Variants in INPP5F observed in about 807,000 individuals in gnomAD.
INPP5F encodes the protein inositol polyphosphate-5-phosphatase F.
INPP5F carries 97 observed loss-of-function variants against 137.2 expected under a neutral mutation model. The ratio of observed to expected loss-of-function variants is 0.71; its 90% CI spans 0.60 to 0.84. The LOEUF is 0.84. Ranked by LOEUF, INPP5F falls within the 40% of genes least tolerant of loss-of-function variation. The pLI is 0.00. For synonymous variants in INPP5F, 504 were observed against 476.9 expected, an observed-to-expected ratio of 1.06 and a Z score of -0.74; for missense variants, 1,271 against 1,371.9, an observed-to-expected ratio of 0.93 and a Z score of 1.16.
chr10:119,820,707 T>C (rs889630368), intron 15 of INPP5F, 139 bp from the exon 16 acceptor site: 1 of 654,786 alleles, frequency 1.5e-6, no homozygotes, highest in Non-Finnish European at 2.8e-6. Flanking sequence ...CTAACTGCAG[T>C]AGAACTCATT....
At chr10:119,775,624 T>C (rs1162957639) in intron 2 of INPP5F, among the ~76,000 whole-genome samples, 1 of 151,930 alleles carries the variant, frequency 6.6e-6, no homozygotes, top group East Asian at 1.9e-4. Flanking sequence ...TTCTTTACTT[T>C]CTAGATTTGG....
chr10:119,738,092 A>G (rs994497561), intron 1 of INPP5F, among the ~76,000 whole-genome samples: 5 of 152,200 alleles, frequency 3.3e-5, no homozygotes, highest in African/African-American at 9.6e-5. Flanking sequence ...GCATATGAAA[A>G]TAGAAGCCAT....
intron 2 of INPP5F, among the ~76,000 whole-genome samples, chr10:119,763,640 C>A (rs1849070087): frequency 6.6e-6 from 1 of 152,212 alleles, no homozygotes; most frequent in African/African-American, 2.4e-5. Flanking sequence ...CTCTCCTTAT[C>A]AGAGGGACTT....
chr10:119,741,724 A>G (rs974335747), intron 1 of INPP5F, among the ~76,000 whole-genome samples: 9 of 151,684 alleles, frequency 5.9e-5, no homozygotes, highest in African/African-American at 1.9e-4. Context: ...TAGTAGAGAC[A>G]GGGTTTCACC....
chr10:119,821,482 C>A (rs985140029), intron 16 of INPP5F, among the ~76,000 whole-genome samples: 4 of 152,158 alleles, frequency 2.6e-5, no homozygotes, highest in African/African-American at 9.7e-5. Context: ...ATACAAGCAC[C>A]TGTTTCCTCA....
intron 2 of INPP5F, among the ~76,000 whole-genome samples, chr10:119,752,567 A>G (rs1348864170): frequency 6.7e-6 from 1 of 148,886 alleles, no homozygotes; most frequent in Admixed American, 6.7e-5. Flanking sequence ...CCTGGGCAAC[A>G]GGAGTAAAAC....
rs534994048 is a variant in INPP5F at position 119,807,858 on chromosome 10, TTTTCTGCAGTACACATTTTTTGC to T, written c.1441-72_1441-50del. ...TAAATTGTATATGAATATGTTTCCT[TTTTCTGCAGTACACATTTTTTGC>T]TATGGTTTCCTGGCCCATATACAGT... On this transcript the variant is annotated intron_variant, in intron 12 of 19. Transcript: ENST00000650623. 1,353 of 1,405,862 alleles carry T rather than the reference TTTTCTGCAGTACACATTTTTTGC, an allele frequency of 9.6e-4. 6 individuals are homozygous for T. The Middle Eastern group carries it at 0.013, about 14-fold the overall frequency. The allele number at this position is 1,405,862 out of a possible 1,614,324, so 87.1% of individuals were successfully genotyped here.
chr10:119,742,505 C>T (rs752205101), intron 1 of INPP5F, among the ~76,000 whole-genome samples: 26 of 151,928 alleles, frequency 1.7e-4, no homozygotes, highest in Non-Finnish European at 3.1e-4. Flanking sequence ...TGGCCCTGGG[C>T]AAGGATAGTA....
At chr10:119,740,281 C>T (rs1848336240) in intron 1 of INPP5F, among the ~76,000 whole-genome samples, 1 of 152,122 alleles carries the variant, frequency 6.6e-6, no homozygotes, top group Non-Finnish European at 1.5e-5. Context: ...GGGGGCAGGG[C>T]AGGAAGTTGG....
At chr10:119,782,199 A>T (rs901130117) in intron 3 of INPP5F, among the ~76,000 whole-genome samples, 3 of 152,202 alleles carry the variant, frequency 2.0e-5, no homozygotes, top group Non-Finnish European at 4.4e-5. Flanking sequence ...CTCTATTAAA[A>T]TTTACAAAGA....
At position 119,751,109 on chromosome 10, in the gene INPP5F, G is replaced by T; in HGVS notation, c.131G>T (p.Cys44Phe). Reference sequence around the variant, plus strand: ...CTACTTCTTGCCTGGAATCCCATTTGTTTGGGGTTGGTAGAAGGTGTTATT... The same window carrying T: ...CTACTTCTTGCCTGGAATCCCATTTTTTTGGGGTTGGTAGAAGGTGTTATT... ...TDLLLAWNPI[C>F]LGLVEGVIGK... Residue 44 changes from cysteine to phenylalanine, a missense_variant, in exon 2 of 20, where the codon TGT becomes TTT. Physicochemically the swap from Cys to Phe is radical, Grantham distance 205. Coordinates refer to ENST00000650623, the MANE Select transcript of INPP5F (RefSeq NM_014937.4). The T allele has an allele frequency of 6.2e-7, 1 of 1,611,964 alleles. No homozygotes were observed. The highest frequency in any genetic ancestry group is 1.1e-5 in the South Asian group (1 of 91,048).
chr10:119,824,633 T>C (rs1451260638), intron 19 of INPP5F, among the ~76,000 whole-genome samples: 2 of 152,202 alleles, frequency 1.3e-5, no homozygotes, highest in African/African-American at 2.4e-5. Flanking sequence ...CTCTTTATAA[T>C]TGCTAAATAT....
At chr10:119,743,063 G>A (rs537159413) in intron 1 of INPP5F, among the ~76,000 whole-genome samples, 3 of 152,340 alleles carry the variant, frequency 2.0e-5, no homozygotes, top group Non-Finnish European at 4.4e-5. Context: ...TTAACAAGCT[G>A]TGCAGTGTTG....
chr10:119,766,194 T>A (rs1849161106), intron 2 of INPP5F, among the ~76,000 whole-genome samples: 1 of 152,154 alleles, frequency 6.6e-6, no homozygotes, highest in Non-Finnish European at 1.5e-5. Context: ...TGCCTTTTTG[T>A]TCTATTCTGG....
intron 1 of INPP5F, among the ~76,000 whole-genome samples, chr10:119,736,354 T>TG (rs1002937341): frequency 3.3e-5 from 5 of 152,206 alleles, no homozygotes; most frequent in Admixed American, 2.0e-4. Flanking sequence ...ATAATAGAGA[T>TG]GGGTTCTCAC....
intron 1 of INPP5F, among the ~76,000 whole-genome samples, chr10:119,744,086 C>G (rs746278290): frequency 6.6e-5 from 10 of 152,206 alleles, no homozygotes; most frequent in Non-Finnish European, 1.0e-4. Flanking sequence ...TTAAATATTT[C>G]TCCATACACT....
At chr10:119,790,097 C>G (rs192739783) in intron 3 of INPP5F, among the ~76,000 whole-genome samples, 114 of 151,740 alleles carry the variant, frequency 7.5e-4, no homozygotes, top group Non-Finnish European at 1.3e-3. Context: ...AGGAGTGGAG[C>G]TGGAGGTACT....
Position 119,826,681 on chromosome 10 carries a change from A to G in INPP5F, c.2300A>G (p.Gln767Arg), listed in dbSNP as rs993553639. 6.2e-7 allele frequency: 1 copy of G among 1,608,964 alleles called. No homozygotes were observed. Among genetic ancestry groups the G allele is most frequent in the African/African-American group, 1.3e-5 (1 of 74,470 alleles). The stretch of plus-strand genomic sequence containing the variant: ...ATCATTGGTATCAGGTCTCAAAACC[A>G]AGGTTCTTTGGCCCAGGGAAAGAAT... Reference protein sequence around the residue: ...EDIIGIRSQNQGSLAQGKNFL... With the variant: ...EDIIGIRSQNRGSLAQGKNFL... Residue 767 changes from glutamine (Q) to arginine (R), a missense_variant, in exon 20 of 20, where the codon CAA (glutamine) becomes CGA (arginine). By Grantham distance (43) the Gln-to-Arg change is conservative (BLOSUM62 1). Around this residue, in one of 6 missense-constraint regions of INPP5F, gnomAD observed 490 missense variants for 443.7 expected, o/e 1.10. Coordinates refer to ENST00000650623, the MANE Select transcript of INPP5F (RefSeq NM_014937.4).
At chr10:119,789,198 C>T (rs752503736) in intron 3 of INPP5F, among the ~76,000 whole-genome samples, 9 of 150,208 alleles carry the variant, frequency 6.0e-5, no homozygotes, top group African/African-American at 7.4e-5. Flanking sequence ...ACACTCCAGC[C>T]TGGGCAACAA....
Sources: gnomAD v4.1 joint callset for allele counts (sites outside exome capture counted in the v4.1 genomes callset) on GRCh38, gnomAD v4.1.1 for gene constraint, gnomAD v4.1.1 regional missense constraint, MANE v1.5 for transcripts, NCBI Gene and HGNC (gene_info 2026-07-23, HGNC 2026-07-21) for gene names.